Variants in CNTN6 observed in about 807,000 individuals in gnomAD.
The protein encoded by CNTN6 is contactin 6, also known as contactin-6.
In CNTN6, 137 loss-of-function variants were observed where a neutral mutation model predicts 122.8. That is an observed-to-expected ratio of 1.12 (90% confidence interval 0.97 to 1.29). The LOEUF is 1.29. Ranked by LOEUF, CNTN6 falls within the 50% of genes most tolerant of loss-of-function variation. The pLI is 0.00. For missense variants in CNTN6, 1,634 were observed against 1,223.4 expected (o/e 1.34, Z -5.01); for synonymous variants, 570 against 426.0 (o/e 1.34, Z -4.16).
In CNTN6 at chr3:1,220,653, T is replaced by C. The variant is rs753546212; in HGVS notation, c.56-34T>C. On this transcript the variant is annotated intron_variant, in intron 2 of 22. Transcript: ENST00000446702. Reference sequence around the variant, plus strand: ...ACTTGCATTCAAAACAGGGCCACTTTTTTTTCATGTGATTTATTCTTTTCT... The same window carrying C: ...ACTTGCATTCAAAACAGGGCCACTTCTTTTTCATGTGATTTATTCTTTTCT... 7 of 1,566,520 alleles carry C rather than the reference T, an allele frequency of 4.5e-6. No individual in the cohort carries two copies. In the African/African-American group the frequency reaches 8.2e-5, roughly 18 times the overall value.
chr3:1,324,266 G>A (rs1701242240), intron 8 of CNTN6, among the ~76,000 whole-genome samples: 1 of 148,856 alleles, frequency 6.7e-6, no homozygotes, highest in Non-Finnish European at 1.5e-5. Flanking sequence ...AGGGTCTTCT[G>A]TCTTGGTGAA....
intron 5 of CNTN6, among the ~76,000 whole-genome samples, chr3:1,283,354 C>T (rs187062464): frequency 6.6e-6 from 1 of 152,276 alleles, no homozygotes; most frequent in East Asian, 1.9e-4. Flanking sequence ...GGTCTTTCCA[C>T]CATGGATTCT....
intron 4 of CNTN6, among the ~76,000 whole-genome samples, chr3:1,245,903 AGCTGAT>A (rs1559599922): frequency 8.6e-5 from 13 of 151,478 alleles, no homozygotes; most frequent in African/African-American, 3.1e-4. Context: ...ACAAATTTTT[AGCTGAT>A]GAGCTAAAAA....
intron 4 of CNTN6, among the ~76,000 whole-genome samples, chr3:1,242,154 T>C (rs1465866810): frequency 6.6e-6 from 1 of 152,132 alleles, no homozygotes; most frequent in Non-Finnish European, 1.5e-5. Flanking sequence ...ATTGAAGTAA[T>C]GGGGGCTGTC....
Position 1,148,057 on chromosome 3 carries a change from T to C in CNTN6, c.49T>C (p.Ser17Pro). 1 of 1,606,854 alleles carries C rather than the reference T, an allele frequency of 6.2e-7. No individual in the cohort carries two copies. Among genetic ancestry groups the C allele is most frequent in the Non-Finnish European group, 8.5e-7 (1 of 1,174,492 alleles). The change falls in exon 2 of 23, where the codon TCT (serine) becomes CCT (proline). Residue 17 changes from serine (S) to proline (P), a missense_variant. Transcript: ENST00000446702. ...LVILLPLINS[S>P]AGDGLLSRPI... ...AATTCTGCTGCCACTCATAAACTCT[T>C]CTGCAGGTAAAGTGTTCTATTATTA... is the stretch of plus-strand genomic sequence containing the variant.
At chr3:1,272,383 G>C (rs945515935) in intron 4 of CNTN6, among the ~76,000 whole-genome samples, 2 of 152,198 alleles carry the variant, frequency 1.3e-5, no homozygotes, top group Admixed American at 6.5e-5. Context: ...ACAGGTGATT[G>C]TGAGGATTAC....
chr3:1,295,184 C>G (rs918075957), intron 5 of CNTN6, among the ~76,000 whole-genome samples: 1 of 152,286 alleles, frequency 6.6e-6, no homozygotes, highest in Non-Finnish European at 1.5e-5. Context: ...AAATTTTTAA[C>G]AAGTACCTGT....
chr3:1,233,275 A>G (rs2094375942), intron 4 of CNTN6, among the ~76,000 whole-genome samples: 1 of 152,130 alleles, frequency 6.6e-6, no homozygotes, highest in Non-Finnish European at 1.5e-5. Context: ...ATTATGTGGA[A>G]AGCAGAGGGC....
chr3:1,401,543 A>G lies in CNTN6; in HGVS notation c.2815A>G (p.Lys939Glu). 6.2e-7 allele frequency: 1 copy of G among 1,604,532 alleles called. No homozygotes were observed. Among genetic ancestry groups the G allele is most frequent in the Non-Finnish European group, 8.5e-7 (1 of 1,173,654 alleles). ...MENESEVLGY[K>E]ILYRQNRQSK... ...AAATGAGTCTGAAGTTTTGGGGTACAAGGTGAGTTTTTAGTTTTTCCTTTA... is the reference window on the plus strand; with the variant it reads ...AAATGAGTCTGAAGTTTTGGGGTACGAGGTGAGTTTTTAGTTTTTCCTTTA... Residue 939 changes from lysine (K) to glutamate (E), a missense_variant and splice_region_variant, in exon 21 of 23, where the codon AAG becomes GAG. Lys to Glu is a moderately conservative substitution (Grantham distance 56). Coordinates refer to ENST00000446702, the MANE Select transcript of CNTN6 (RefSeq NM_001289080.2).
intron 17 of CNTN6, among the ~76,000 whole-genome samples, chr3:1,377,815 G>T (rs1402775088): frequency 2.0e-5 from 3 of 152,138 alleles, no homozygotes; most frequent in Non-Finnish European, 4.4e-5. Flanking sequence ...GTGTTGGTAG[G>T]GGAGGAGAAA....
At chr3:1,148,490 CA>C (rs1251123131) in intron 2 of CNTN6, among the ~76,000 whole-genome samples, 2 of 151,508 alleles carry the variant, frequency 1.3e-5, no homozygotes, top group Admixed American at 6.6e-5. Context: ...ATTGATATGG[CA>C]AAAAAATCAA....
At chr3:1,094,989 C>G (rs1052274302) in intron 1 of CNTN6, among the ~76,000 whole-genome samples, 8 of 152,092 alleles carry the variant, frequency 5.3e-5, no homozygotes, top group Admixed American at 3.9e-4. Flanking sequence ...AAATAACAAT[C>G]ATGAAATTTG....
At chr3:1,388,284 AC>A (rs555674688) in intron 20 of CNTN6, among the ~76,000 whole-genome samples, 70 of 147,688 alleles carry the variant, frequency 4.7e-4, no homozygotes, top group Middle Eastern at 3.5e-3. Context: ...ACTGGGAGGC[AC>A]CCCCCAGCAG....
At chr3:1,220,049 T>C (rs1223828138) in intron 2 of CNTN6, among the ~76,000 whole-genome samples, 1 of 122,578 alleles carries the variant, frequency 8.2e-6, no homozygotes, top group Non-Finnish European at 1.7e-5. Context: ...AACTGGATTC[T>C]TTTGGTGTAA....
intron 4 of CNTN6, among the ~76,000 whole-genome samples, chr3:1,242,178 A>G (rs1188816958): frequency 2.0e-5 from 3 of 151,338 alleles, no homozygotes; most frequent in African/African-American, 4.9e-5. Context: ...GAAGCTTTGC[A>G]GCAGTACAGC....
At chr3:1,393,283 C>G (rs1287050286) in intron 20 of CNTN6, among the ~76,000 whole-genome samples, 1 of 97,594 alleles carries the variant, frequency 1.0e-5, no homozygotes, top group Non-Finnish European at 2.0e-5. Flanking sequence ...TGGAAATCAT[C>G]ATTCTCAGTA....
At chr3:1,390,728 C>G (rs1056645878) in intron 20 of CNTN6, among the ~76,000 whole-genome samples, 1 of 151,836 alleles carries the variant, frequency 6.6e-6, no homozygotes, top group East Asian at 1.9e-4. Flanking sequence ...GGGGATATCA[C>G]CACCAATCCC....
intron 7 of CNTN6, among the ~76,000 whole-genome samples, chr3:1,312,025 T>C (rs1488469058): frequency 6.6e-6 from 1 of 152,070 alleles, no homozygotes; most frequent in Non-Finnish European, 1.5e-5. Flanking sequence ...TTCCTAAGTA[T>C]ATTTTTAGAA....
intron 2 of CNTN6, among the ~76,000 whole-genome samples, chr3:1,159,145 T>G (rs1418327674): frequency 2.0e-5 from 3 of 151,710 alleles, no homozygotes; most frequent in African/African-American, 7.3e-5. Flanking sequence ...ACTAAGGAAC[T>G]GGATTGTGTT....
Sources: allele counts gnomAD v4.1 joint callset (sites outside exome capture counted in the v4.1 genomes callset), GRCh38; gene constraint gnomAD v4.1.1; transcripts MANE v1.5; gene names NCBI Gene and HGNC (gene_info 2026-07-23, HGNC 2026-07-21).